Variants in EIF4E3 observed in about 807,000 individuals in gnomAD.
The protein encoded by EIF4E3 is eukaryotic translation initiation factor 4E type 3.
In EIF4E3, 26 loss-of-function variants were observed where a neutral mutation model predicts 31.7. The observed-to-expected ratio is 0.82, with a 90% confidence interval of 0.60 to 1.14. The LOEUF (loss-of-function observed/expected upper bound fraction) is 1.14. Ranked by LOEUF, EIF4E3 falls within the 50% of genes most tolerant of loss-of-function variation. EIF4E3 has a pLI of 0.00. For synonymous variants in EIF4E3, 128 were observed against 107.7 expected (o/e 1.19, Z -1.17); for missense variants, 304 against 270.9 (o/e 1.12, Z -0.86).
At position 71,688,788 on chromosome 3, in the gene EIF4E3, T is replaced by C. The variant is rs145180742; in HGVS notation, c.628+1222A>G. 2.3e-3 allele frequency among the ~76,000 whole-genome samples: 357 copies of C among 152,366 alleles called. 1 individual carries two copies. The highest frequency in any genetic ancestry group is 5.6e-3 in the Admixed American group (85 of 15,312). The stretch of plus-strand genomic sequence containing the variant: ...ATGGCATCGGCAAATTGGCAACTTC[T>C]ACACCACGCAGCCAATAAGCAACTT... On this transcript the variant is annotated intron_variant, in intron 6 of 6. Transcript: ENST00000425534.
chr3:71,682,987 T>C lies in EIF4E3; in HGVS notation c.*1695A>G, dbSNP rs2048941695. On this transcript the variant is annotated 3_prime_UTR_variant, in exon 7 of 7. Coordinates refer to ENST00000425534, the MANE Select transcript of EIF4E3 (RefSeq NM_001134651.2). ...TCTTGAGTCATAATTTTAAAACAAG[T>C]TGAATGTTAGTACAATGTTTGGAGA... is the stretch of plus-strand genomic sequence containing the variant. The C allele has an allele frequency of 6.6e-6, 1 of 152,122 alleles. No individual in the cohort carries two copies. Among genetic ancestry groups the C allele is most frequent in the African/African-American group, 2.4e-5 (1 of 41,402 alleles). The allele number at this position is 152,122 out of a possible 1,614,324, so 9.4% of individuals were successfully genotyped here.
chr3:71,688,115 T>C (rs1247264549), intron 6 of EIF4E3, among the ~76,000 whole-genome samples: 1 of 152,196 alleles, frequency 6.6e-6, no homozygotes, highest in Non-Finnish European at 1.5e-5. Flanking sequence ...CCTTCCTCAG[T>C]TCTGTATTAC....
At chr3:71,665,107 A>G in the EIF4E3 span, among the ~76,000 whole-genome samples, 2 of 152,288 alleles carry the variant, frequency 1.3e-5, no homozygotes, top group Non-Finnish European at 2.9e-5. Flanking sequence ...CCCTGATGCA[A>G]TGGTGCTCAT....
intron 2 of EIF4E3, among the ~76,000 whole-genome samples, chr3:71,700,537 C>CT (rs2049201106): frequency 6.6e-6 from 1 of 150,644 alleles, no homozygotes; most frequent in Non-Finnish European, 1.5e-5. Context: ...TCACTTGAAC[C>CT]TGGGAGGCGG....
intron 1 of EIF4E3, among the ~76,000 whole-genome samples, chr3:71,716,522 C>T (rs940750724): frequency 2.6e-5 from 4 of 152,194 alleles, no homozygotes; most frequent in African/African-American, 4.8e-5. Flanking sequence ...CATGAGCCAC[C>T]GTGCCCGGCC....
chr3:71,698,758 C>T (rs1267792849), intron 3 of EIF4E3, among the ~76,000 whole-genome samples: 1 of 152,220 alleles, frequency 6.6e-6, no homozygotes, highest in Non-Finnish European at 1.5e-5. Flanking sequence ...AGGAAGGCCA[C>T]TTTGCCACCT....
rs1454883613 is a variant in EIF4E3, at chr3:71,677,218, A to C, written c.*7464T>G. ...CCACAGCCTAGCCAGATGATGGGAA[A>C]TAGAAACATATTTTAATGACATATA... On this transcript the variant is annotated 3_prime_UTR_variant, in exon 7 of 7. Coordinates refer to ENST00000425534, the MANE Select transcript of EIF4E3 (RefSeq NM_001134651.2). The C allele has an allele frequency of 1.3e-5, 2 of 152,264 alleles. No individual in the cohort carries two copies. The highest frequency in any genetic ancestry group is 2.9e-5 in the Non-Finnish European group (2 of 68,040). 9.4% of individuals were successfully genotyped at this position (152,264 alleles called of 1,614,324 possible).
intron 6 of EIF4E3, among the ~76,000 whole-genome samples, chr3:71,689,792 AT>A (rs2049037669): frequency 6.6e-6 from 1 of 151,896 alleles, no homozygotes; most frequent in Admixed American, 6.6e-5. Context: ...TCGTTTTCTG[AT>A]CCACGCAGTT....
chr3:71,754,665 T>G, upstream of EIF4E3: 1 of 1,501,210 alleles, frequency 6.7e-7, no homozygotes, highest in South Asian at 1.2e-5. This position sits in a 1 kb window ranked among gnomAD's most constrained non-coding sequence, Gnocchi z 5.8. Context: ...CCGCCTGCTC[T>G]TCTTCATCCA....
downstream of EIF4E3, among the ~76,000 whole-genome samples, chr3:71,671,754 C>T (rs527300365): frequency 3.9e-5 from 6 of 152,202 alleles, no homozygotes; most frequent in Admixed American, 1.3e-4. Flanking sequence ...TTAAAGGAAA[C>T]ACTCATCAGG....
chr3:71,730,492 A>T (rs1196840426), intron 1 of EIF4E3, among the ~76,000 whole-genome samples: 1 of 152,216 alleles, frequency 6.6e-6, no homozygotes, highest in Admixed American at 6.5e-5. Flanking sequence ...GGGCCAGGCC[A>T]GGCCTCTCTT....
chr3:71,674,030 T>C (rs1213157072), downstream of EIF4E3, among the ~76,000 whole-genome samples: 3 of 137,586 alleles, frequency 2.2e-5, no homozygotes, highest in African/African-American at 8.1e-5. Context: ...AGATGGACAA[T>C]AGGAGACTTA....
chr3:71,736,283 CA>C (rs1470720019), intron 1 of EIF4E3, among the ~76,000 whole-genome samples: 3 of 152,214 alleles, frequency 2.0e-5, no homozygotes, highest in African/African-American at 7.2e-5. Flanking sequence ...CCATATGATC[CA>C]GCAATTATAC....
intron 1 of EIF4E3, among the ~76,000 whole-genome samples, chr3:71,721,433 A>G (rs910228889): frequency 7.2e-5 from 11 of 152,174 alleles, no homozygotes; most frequent in African/African-American, 2.4e-4. Context: ...GCGCCATTTC[A>G]TAACAGTGGT....
chr3:71,691,101 T>G (rs2049057891), intron 5 of EIF4E3, among the ~76,000 whole-genome samples: 1 of 152,232 alleles, frequency 6.6e-6, no homozygotes, highest in Non-Finnish European at 1.5e-5. Context: ...CTTTGTTTCC[T>G]TGTTCATGAC....
intron 1 of EIF4E3, among the ~76,000 whole-genome samples, chr3:71,743,221 C>CTCT (rs2049838267): frequency 6.6e-6 from 1 of 152,028 alleles, no homozygotes; most frequent in South Asian, 2.1e-4. Context: ...CCAGACAAGA[C>CTCT]GCATGTCTAT....
chr3:71,715,627 T>A (rs189752643), intron 1 of EIF4E3, among the ~76,000 whole-genome samples: 112 of 152,308 alleles, frequency 7.4e-4, no homozygotes, highest in African/African-American at 2.6e-3. Context: ...CTGAATCACA[T>A]GCCGCCCTCC....
intron 6 of EIF4E3, among the ~76,000 whole-genome samples, chr3:71,686,648 A>G (rs917693139): frequency 3.9e-5 from 6 of 152,016 alleles, no homozygotes; most frequent in South Asian, 2.1e-4. Flanking sequence ...AGGAAATTAC[A>G]CTATGCTTCA....
intron 6 of EIF4E3, among the ~76,000 whole-genome samples, chr3:71,684,976 T>G (rs1300944821): frequency 6.6e-6 from 1 of 152,208 alleles, no homozygotes. Flanking sequence ...TTCTTCTTGC[T>G]GTGCCTGGGA....
Sources: allele counts gnomAD v4.1 joint callset (sites outside exome capture counted in the v4.1 genomes callset), GRCh38; gene constraint gnomAD v4.1.1; non-coding constraint Gnocchi (gnomAD v3.1); transcripts MANE v1.5; gene names NCBI Gene and HGNC (gene_info 2026-07-23, HGNC 2026-07-21).